The following CSMD1 variants were observed in gnomAD, a reference collection of about 807,000 sequenced individuals.
The protein encoded by CSMD1 is CUB and Sushi multiple domains 1.
CSMD1 carries 213 observed loss-of-function variants against 417.5 expected under a neutral mutation model. The ratio of observed to expected loss-of-function variants is 0.51; its 90% CI spans 0.46 to 0.57. The LOEUF is 0.57. Among genes scored for constraint, CSMD1 ranks in the 20% least tolerant of loss-of-function variants. The probability of loss-of-function intolerance (pLI) is 0.00; values close to 1 mark genes in which losing one functional copy is unlikely to be tolerated. For synonymous variants in CSMD1, 2,862 were observed against 1,736.8 expected (o/e 1.65, Z -16.11); for missense variants, 6,923 against 4,529.7 (o/e 1.53, Z -15.17).
intron 2 of CSMD1, among the ~76,000 whole-genome samples, chr8:4,579,503 C>T (rs1799313140): frequency 6.6e-6 from 1 of 152,034 alleles, no homozygotes. Context: ...GCTGGGATTA[C>T]AGGCACCCGC....
Position 2,954,284 on chromosome 8 carries a change from C to G in CSMD1, c.9995-16G>C. On this transcript the variant is annotated splice_polypyrimidine_tract_variant and intron_variant, in intron 64 of 69. Coordinates refer to ENST00000635120, the MANE Select transcript of CSMD1 (RefSeq NM_033225.6). ...ACTCCTTTACCTACAAGTAAAAAGA[C>G]AAATTATCATTTTAAAAAAAACATT... The G allele has an allele frequency of 1.5e-6, 2 of 1,369,482 alleles. No individual in the cohort carries two copies. The highest frequency in any genetic ancestry group is 2.0e-6 in the Non-Finnish European group (2 of 1,005,122). The allele number at this position is 1,369,482 out of a possible 1,614,324, so 84.8% of individuals were successfully genotyped here. A position where few individuals can be genotyped will look rare whatever the true frequency, so the allele number is the denominator to read the frequency against.
intron 4 of CSMD1, among the ~76,000 whole-genome samples, chr8:4,017,052 A>G (rs1369990461): frequency 1.3e-5 from 2 of 152,182 alleles, no homozygotes; most frequent in South Asian, 2.1e-4. Flanking sequence ...ACAAAAGCAG[A>G]TATTCATCCG....
intron 3 of CSMD1, among the ~76,000 whole-genome samples, chr8:4,281,819 CTG>C (rs1432806232): frequency 1.3e-5 from 2 of 152,080 alleles, no homozygotes; most frequent in Admixed American, 1.3e-4. Context: ...TTGTAAAACA[CTG>C]ATTTTCTAGA....
intron 6 of CSMD1, among the ~76,000 whole-genome samples, chr8:3,742,761 AAACGAAACAAAAACACCAAC>A (rs1229200153): frequency 6.6e-6 from 1 of 152,198 alleles, no homozygotes; most frequent in Non-Finnish European, 1.5e-5. Flanking sequence ...AAACAAAACG[AAACGAAACAAAAACACCAAC>A]AACAGCAACA....
intron 24 of CSMD1, 96 bp downstream of exon 24, chr8:3,308,216 T>C (rs1309194769): frequency 9.8e-6 from 9 of 921,896 alleles, no homozygotes; most frequent in Non-Finnish European, 1.5e-5. Context: ...TGTGATAAAA[T>C]TCCTCCTCTT....
chr8:4,710,682 A>C (rs1253913914), intron 1 of CSMD1, among the ~76,000 whole-genome samples: 1 of 151,400 alleles, frequency 6.6e-6, no homozygotes, highest in East Asian at 1.9e-4. Context: ...CGTCTCTACT[A>C]AAAATACAAA....
intron 6 of CSMD1, among the ~76,000 whole-genome samples, chr8:3,726,576 C>T (rs571307174): frequency 1.3e-5 from 2 of 152,130 alleles, no homozygotes; most frequent in Admixed American, 1.3e-4. Flanking sequence ...TCAGGAGAAG[C>T]AGGAAATCTG....
chr8:4,381,455 G>A (rs142388925), intron 3 of CSMD1, among the ~76,000 whole-genome samples: 3 of 152,160 alleles, frequency 2.0e-5, no homozygotes, highest in African/African-American at 2.4e-5. Context: ...GGCTGGTGCC[G>A]ACGTGTGCTA....
intron 26 of CSMD1, among the ~76,000 whole-genome samples, chr8:3,253,783 G>T (rs568769270): frequency 6.6e-6 from 1 of 151,956 alleles, no homozygotes; most frequent in Admixed American, 6.5e-5. Context: ...CAGGTGAGAT[G>T]GGTTTCCTGA....
At chr8:3,315,390 TTACAA>T (rs1282759284) in intron 23 of CSMD1, among the ~76,000 whole-genome samples, 1 of 152,044 alleles carries the variant, frequency 6.6e-6, no homozygotes, top group Admixed American at 6.6e-5. Context: ...GTTCCATGTT[TTACAA>T]TACATCTCTC....
At chr8:3,763,952 G>C (rs1798137800) in intron 5 of CSMD1, among the ~76,000 whole-genome samples, 4 of 152,086 alleles carry the variant, frequency 2.6e-5, no homozygotes, top group Admixed American at 2.6e-4. Context: ...TAACTCACTT[G>C]CCCTAGAAAC....
At chr8:4,157,922 GT>G (rs1300987068) in intron 3 of CSMD1, among the ~76,000 whole-genome samples, 1 of 152,126 alleles carries the variant, frequency 6.6e-6, no homozygotes, top group East Asian at 1.9e-4. Context: ...TGTCCCTGAG[GT>G]TAAGCAAGCT....
chr8:3,393,403 C>G (rs1421626590), intron 17 of CSMD1, among the ~76,000 whole-genome samples: 1 of 152,202 alleles, frequency 6.6e-6, no homozygotes, highest in Non-Finnish European at 1.5e-5. Context: ...TTATGACTCT[C>G]ACACAATTAT....
intron 2 of CSMD1, among the ~76,000 whole-genome samples, chr8:4,422,141 C>T (rs1797283931): frequency 6.6e-6 from 1 of 152,078 alleles, no homozygotes; most frequent in Non-Finnish European, 1.5e-5. Flanking sequence ...AAACTTTCCC[C>T]AAATTTCCAG....
intron 3 of CSMD1, among the ~76,000 whole-genome samples, chr8:4,411,713 T>C (rs1796657788): frequency 6.6e-6 from 1 of 152,218 alleles, no homozygotes; most frequent in Non-Finnish European, 1.5e-5. Flanking sequence ...AGCATATATA[T>C]ATGTGTGCTA....
intron 3 of CSMD1, among the ~76,000 whole-genome samples, chr8:4,134,195 A>G (rs1803280774): frequency 6.6e-6 from 1 of 152,176 alleles, no homozygotes; most frequent in Admixed American, 6.5e-5. Flanking sequence ...AGTTGAAGGA[A>G]AGTCACTGTC....
chr8:3,407,933 G>T lies in CSMD1; in HGVS notation c.2037C>A (p.Ser679=), dbSNP rs760521019. ...IVRLEFQSDH[S]TTGRGFNITY... ...TGATGTTGAACCCTCTGCCAGTAGTGGAATGGTCAGACTGAAATTCCAAGC... is the reference window on the plus strand; with the variant it reads ...TGATGTTGAACCCTCTGCCAGTAGTTGAATGGTCAGACTGAAATTCCAAGC... Residue 679 remains serine (S), a synonymous_variant, in exon 14 of 70, where the codon TCC becomes TCA. Transcript: ENST00000635120. 5.6e-6 allele frequency: 9 copies of T among 1,613,036 alleles called. No homozygotes were observed. The highest frequency in any genetic ancestry group is 1.1e-5 in the South Asian group (1 of 90,908).
At chr8:3,896,168 C>G (rs758970651) in intron 5 of CSMD1, among the ~76,000 whole-genome samples, 1 of 152,112 alleles carries the variant, frequency 6.6e-6, no homozygotes, top group Non-Finnish European at 1.5e-5. Context: ...ATGATTAAGA[C>G]ACAACAAAAA....
At chr8:3,714,228 C>G (rs956101997) in intron 6 of CSMD1, among the ~76,000 whole-genome samples, 4 of 150,354 alleles carry the variant, frequency 2.7e-5, no homozygotes, top group Non-Finnish European at 4.4e-5. Context: ...TATTAAGCTC[C>G]CAATGTCAGA....
Sources: gnomAD v4.1 joint callset for allele counts (sites outside exome capture counted in the v4.1 genomes callset) on GRCh38, gnomAD v4.1.1 for gene constraint, MANE v1.5 for transcripts, NCBI Gene and HGNC (gene_info 2026-07-23, HGNC 2026-07-21) for gene names.